Variants in GABRG3 observed in about 807,000 individuals in gnomAD.
GABRG3 encodes gamma-aminobutyric acid type A receptor subunit gamma3, also known as gamma-aminobutyric acid receptor subunit gamma-3.
A neutral mutation model predicts 48.8 loss-of-function variants in GABRG3; 25 were observed. The observed-to-expected ratio is 0.51, with a 90% CI of 0.37 to 0.72. The LOEUF (loss-of-function observed/expected upper bound fraction) is 0.72, where lower values mean the gene tolerates loss of function less well. Among genes scored for constraint, GABRG3 ranks in the 30% least tolerant of loss-of-function variants. The pLI, the probability that GABRG3 is intolerant of heterozygous loss-of-function variation, is 0.00. For synonymous variants in GABRG3, 227 were observed against 217.6 expected, an observed-to-expected ratio of 1.04 and a Z score of -0.38; for missense variants, 394 against 577.9, an observed-to-expected ratio of 0.68 and a Z score of 3.26.
intron 3 of GABRG3, among the ~76,000 whole-genome samples, chr15:27,178,303 G>A (rs566471013): frequency 6.6e-6 from 1 of 152,268 alleles, no homozygotes; most frequent in South Asian, 2.1e-4. Context: ...ACTAGTTGTG[G>A]GATGCTCCTT....
chr15:27,263,417 C>T (rs1053527441), intron 3 of GABRG3, among the ~76,000 whole-genome samples: 6 of 152,062 alleles, frequency 3.9e-5, no homozygotes, highest in Non-Finnish European at 8.8e-5. Flanking sequence ...ATGACAGAAA[C>T]GACTGATACT....
At chr15:27,077,013 G>A (rs553253373) in intron 3 of GABRG3, among the ~76,000 whole-genome samples, 10 of 152,292 alleles carry the variant, frequency 6.6e-5, no homozygotes, top group East Asian at 1.9e-4. Context: ...GCTCCAACCC[G>A]AGGCTGCCCT....
intron 2 of GABRG3, among the ~76,000 whole-genome samples, chr15:26,981,300 G>T (rs1453517971): frequency 1.3e-5 from 2 of 152,188 alleles, no homozygotes; most frequent in Non-Finnish European, 2.9e-5. Context: ...TAGTTTCCAA[G>T]TACTTGCACA....
At chr15:27,257,298 A>G (rs538616044) in intron 3 of GABRG3, among the ~76,000 whole-genome samples, 1 of 152,214 alleles carries the variant, frequency 6.6e-6, no homozygotes, top group South Asian at 2.1e-4. Flanking sequence ...TTAGGGTATT[A>G]ATCCCTTATC....
At chr15:27,019,624 C>G (rs1480574707) in intron 2 of GABRG3, among the ~76,000 whole-genome samples, 1 of 152,146 alleles carries the variant, frequency 6.6e-6, no homozygotes, top group Non-Finnish European at 1.5e-5. Context: ...GAAGGCAGAA[C>G]TGAAGGAAGG....
chr15:27,128,020 A>C (rs1375897916), intron 3 of GABRG3, among the ~76,000 whole-genome samples: 1 of 152,192 alleles, frequency 6.6e-6, no homozygotes, highest in Non-Finnish European at 1.5e-5. Flanking sequence ...GAAGGCGATA[A>C]AATGGACACA....
At chr15:27,283,493 A>G (rs13380348) in intron 3 of GABRG3, among the ~76,000 whole-genome samples, 20,424 of 152,128 alleles carry the variant, frequency 0.13, 3,410 homozygotes, top group African/African-American at 0.39. Flanking sequence ...AATCCCAGCT[A>G]TCTGGGAGGC....
intron 5 of GABRG3, among the ~76,000 whole-genome samples, chr15:27,426,530 C>T (rs1479651564): frequency 2.6e-5 from 4 of 152,086 alleles, no homozygotes; most frequent in Non-Finnish European, 5.9e-5. Flanking sequence ...CAAAGCCTTT[C>T]TTGGCCAGGC....
intron 3 of GABRG3, among the ~76,000 whole-genome samples, chr15:27,066,079 A>G (rs1199567466): frequency 3.3e-5 from 5 of 152,248 alleles, no homozygotes; most frequent in Non-Finnish European, 7.3e-5. Context: ...CGAAAGTGAC[A>G]TTGGCTGTTT....
chr15:27,017,438 G>T (rs537648763), intron 2 of GABRG3, among the ~76,000 whole-genome samples: 4 of 152,052 alleles, frequency 2.6e-5, no homozygotes, highest in Admixed American at 6.6e-5. Context: ...TCATTCCATC[G>T]TACTGCAGAC....
chr15:27,297,971 AT>A (rs1474544463), intron 3 of GABRG3, among the ~76,000 whole-genome samples: 6 of 109,956 alleles, frequency 5.5e-5, no homozygotes, highest in African/African-American at 1.5e-4. Flanking sequence ...TAATAATATA[AT>A]TTTTTTAATA....
intron 5 of GABRG3, among the ~76,000 whole-genome samples, chr15:27,460,718 G>A (rs1053394529): frequency 3.3e-5 from 5 of 152,162 alleles, no homozygotes; most frequent in South Asian, 2.1e-4. Flanking sequence ...GGGGTGGACA[G>A]AAAGGAATGT....
At chr15:27,029,371 A>G (rs1896040146) in intron 3 of GABRG3, among the ~76,000 whole-genome samples, 2 of 152,350 alleles carry the variant, frequency 1.3e-5, no homozygotes, top group East Asian at 1.9e-4. Context: ...TGAGGAAGAC[A>G]CAACGTACTA....
chr15:27,484,005 A>T (rs927038747), intron 6 of GABRG3, among the ~76,000 whole-genome samples: 1 of 151,842 alleles, frequency 6.6e-6, no homozygotes, highest in African/African-American at 2.4e-5. Flanking sequence ...CACGATCTCG[A>T]CTCACTGCGA....
intron 3 of GABRG3, among the ~76,000 whole-genome samples, chr15:27,214,920 G>A (rs575691311): frequency 2.0e-5 from 3 of 152,108 alleles, no homozygotes; most frequent in African/African-American, 4.8e-5. Context: ...AACCCAAAAG[G>A]TCCAAATCCT....
At chr15:27,128,527 A>G (rs1343821254) in intron 3 of GABRG3, among the ~76,000 whole-genome samples, 2 of 152,198 alleles carry the variant, frequency 1.3e-5, no homozygotes, top group Non-Finnish European at 2.9e-5. Flanking sequence ...CTTCCCTTCT[A>G]GTGTGTGAAT....
chr15:27,349,456 T>C (rs956971658), intron 5 of GABRG3, among the ~76,000 whole-genome samples: 7 of 152,328 alleles, frequency 4.6e-5, no homozygotes, highest in Non-Finnish European at 8.8e-5. Flanking sequence ...AGAGACACTC[T>C]TCTAGACTAG....
chr15:27,393,344 CAAAA>C (rs34689012), intron 5 of GABRG3, among the ~76,000 whole-genome samples: 1 of 113,000 alleles, frequency 8.8e-6, no homozygotes. Context: ...ACTCCGTCTC[CAAAA>C]AAAAAAAAAA....
chr15:27,142,275 A>G (rs1242641508), intron 3 of GABRG3, among the ~76,000 whole-genome samples: 1 of 152,176 alleles, frequency 6.6e-6, no homozygotes, highest in Non-Finnish European at 1.5e-5. Context: ...ATAAAGACAT[A>G]TCCAAGACTG....
Sources: allele counts gnomAD v4.1 joint callset (sites outside exome capture counted in the v4.1 genomes callset), GRCh38; gene constraint gnomAD v4.1.1; transcripts MANE v1.5; gene names NCBI Gene and HGNC (gene_info 2026-07-23, HGNC 2026-07-21).